Variants in RIC1 observed in about 807,000 individuals in gnomAD.
RIC1 encodes RIC1 partner of RAB6A GEF complex.
A neutral mutation model predicts 169.0 loss-of-function variants in RIC1; 88 were observed. The ratio of observed to expected loss-of-function variants is 0.52; its 90% CI spans 0.44 to 0.62. The LOEUF (loss-of-function observed/expected upper bound fraction) is 0.62, where lower values mean the gene tolerates loss of function less well. RIC1 is among the 20% of genes least tolerant of loss of function. The pLI is 0.00. For synonymous variants in RIC1, 790 were observed against 601.5 expected (o/e 1.31, Z -4.59); for missense variants, 1,877 against 1,725.5 (o/e 1.09, Z -1.56).
chr9:5,725,259 T>A (rs1456859503), intron 6 of RIC1, among the ~76,000 whole-genome samples: 1 of 152,212 alleles, frequency 6.6e-6, no homozygotes, highest in Admixed American at 6.5e-5. Flanking sequence ...TATTCAGGGA[T>A]TCAGCTTCTT....
chr9:5,738,575 T>C, intron 8 of RIC1, 37 bp downstream of exon 8: 2 of 1,262,602 alleles, frequency 1.6e-6, no homozygotes, highest in East Asian at 4.8e-5. Flanking sequence ...TTAACATTTT[T>C]AATGTACTGG....
intron 4 of RIC1, among the ~76,000 whole-genome samples, chr9:5,715,353 A>G (rs1296513057): frequency 3.3e-5 from 5 of 152,196 alleles, no homozygotes. Context: ...CCAAAAAGAA[A>G]AAAAAACAAT....
intron 2 of RIC1, among the ~76,000 whole-genome samples, chr9:5,671,735 C>G (rs1820120229): frequency 1.3e-5 from 2 of 152,210 alleles, no homozygotes; most frequent in Admixed American, 6.5e-5. Context: ...AACTCCTCTC[C>G]TCTTCTCAGG....
At chr9:5,671,406 G>A (rs1450143877) in intron 2 of RIC1, among the ~76,000 whole-genome samples, 1 of 151,920 alleles carries the variant, frequency 6.6e-6, no homozygotes, top group African/African-American at 2.4e-5. Flanking sequence ...CTCCCAAGTA[G>A]TTGGGATTAC....
intron 14 of RIC1, among the ~76,000 whole-genome samples, 164 bp from the exon 15 acceptor site, chr9:5,754,677 G>A (rs1437195381): frequency 2.0e-5 from 3 of 152,200 alleles, no homozygotes; most frequent in Non-Finnish European, 2.9e-5. Flanking sequence ...GTTGCAGGGA[G>A]CTGAGATCGA....
In RIC1 at chr9:5,705,338, T is replaced by C. The variant is rs554278909; in HGVS notation, c.333-8558T>C. 1.2e-4 allele frequency among the ~76,000 whole-genome samples: 19 copies of C among 152,242 alleles called. No individual in the cohort carries two copies. In the East Asian group the frequency reaches 3.5e-3, roughly 28 times the overall value. On this transcript the variant is annotated intron_variant, in intron 3 of 25. Transcript: ENST00000414202. The stretch of plus-strand genomic sequence containing the variant: ...ACCTTTCCAATTTCTTAGTTCTCCC[T>C]TAATTTATTTACGCATACAACTCTT...
chr9:5,629,467 C>G lies in RIC1; in HGVS notation c.144+14C>G. 1 of 1,526,130 alleles carries G rather than the reference C, an allele frequency of 6.6e-7. No homozygotes were observed. Among genetic ancestry groups the G allele is most frequent in the Non-Finnish European group, 8.8e-7 (1 of 1,142,402 alleles). 94.5% of individuals were successfully genotyped at this position (1,526,130 alleles called of 1,614,324 possible). ...TGGTACAGCCGAGTAAGTAGAGCCG[C>G]CCGCCGCCTTTCGCCGCTGCCTCCC... On this transcript the variant is annotated intron_variant, in intron 1 of 25. Coordinates refer to ENST00000414202, the MANE Select transcript of RIC1 (RefSeq NM_020829.4).
At chr9:5,745,205 TCATAGGAAAA>T (rs1229430302) in intron 10 of RIC1, among the ~76,000 whole-genome samples, 3 of 152,156 alleles carry the variant, frequency 2.0e-5, no homozygotes, top group Non-Finnish European at 2.9e-5. Context: ...GGCAGCTTTA[TCATAGGAAAA>T]CATAAAAGTT....
Position 5,718,134 on chromosome 9 carries a change from C to T in RIC1, c.441-2048C>T, listed in dbSNP as rs180718946. Among the ~76,000 whole-genome samples the T allele has an allele frequency of 2.6e-3, 137 of 53,606 alleles. 2 individuals are homozygous for T. The East Asian group carries it at 0.096, about 38-fold the overall frequency. 35.2% of individuals were successfully genotyped at this position (53,606 alleles called of 152,430 possible). ...CAGCTTGGGCAACAGAGCAAGACTC[C>T]GTCTCAAAAAAAAAAAAAAAAAAAA... On this transcript the variant is annotated intron_variant, in intron 4 of 25. Coordinates refer to ENST00000414202, the MANE Select transcript of RIC1 (RefSeq NM_020829.4).
chr9:5,699,045 A>G (rs1355027376), intron 3 of RIC1, among the ~76,000 whole-genome samples: 1 of 152,242 alleles, frequency 6.6e-6, no homozygotes, highest in Non-Finnish European at 1.5e-5. Context: ...TGGGGAACTT[A>G]GGCAGAGTAT....
chr9:5,743,623 C>G, intron 9 of RIC1, 66 bp from the exon 10 acceptor site: 1 of 1,275,668 alleles, frequency 7.8e-7, no homozygotes, highest in Non-Finnish European at 1.1e-6. Context: ...TTAAAAAACA[C>G]TAAATTTTAT....
chr9:5,725,538 T>G (rs1005607214), intron 6 of RIC1, among the ~76,000 whole-genome samples: 5 of 152,180 alleles, frequency 3.3e-5, no homozygotes, highest in Non-Finnish European at 7.4e-5. Flanking sequence ...TTTTGATGGT[T>G]TTTTTATGTC....
chr9:5,661,953 T>C (rs1193859190), intron 2 of RIC1, among the ~76,000 whole-genome samples: 1 of 152,250 alleles, frequency 6.6e-6, no homozygotes, highest in Non-Finnish European at 1.5e-5. Flanking sequence ...TTCATTATGA[T>C]ATTGGCTGTG....
At chr9:5,669,297 C>T (rs750873946) in intron 2 of RIC1, among the ~76,000 whole-genome samples, 4 of 152,162 alleles carry the variant, frequency 2.6e-5, no homozygotes, top group Non-Finnish European at 4.4e-5. Flanking sequence ...CCACCCTTTT[C>T]CCTGAGTCCC....
In RIC1 at chr9:5,666,422, A is replaced by G. The variant is rs563620636; in HGVS notation, c.252+9732A>G. ...TGCTCTTGGTGGAACTTTCAATACT[A>G]TGTTGAATTAAGTGGTAAAAGTGGG... On this transcript the variant is annotated intron_variant, in intron 2 of 25. Coordinates refer to ENST00000414202, the MANE Select transcript of RIC1 (RefSeq NM_020829.4). Among the ~76,000 whole-genome samples the G allele has an allele frequency of 1.8e-4, 28 of 152,084 alleles. No individual in the cohort carries two copies. In the South Asian group the frequency reaches 3.5e-3, roughly 19 times the overall value.
At chr9:5,679,823 G>A (rs1394893504) in intron 2 of RIC1, among the ~76,000 whole-genome samples, 7 of 152,144 alleles carry the variant, frequency 4.6e-5, no homozygotes, top group South Asian at 2.1e-4. Context: ...CTAATTGAAT[G>A]CCCTTTATTT....
intron 23 of RIC1, among the ~76,000 whole-genome samples, chr9:5,771,648 G>T (rs1181318786): frequency 6.6e-6 from 1 of 152,180 alleles, no homozygotes; most frequent in South Asian, 2.1e-4. Flanking sequence ...GTGGACAAGG[G>T]TTCTATTTTC....
At chr9:5,675,406 C>T (rs1820381337) in intron 2 of RIC1, among the ~76,000 whole-genome samples, 1 of 152,136 alleles carries the variant, frequency 6.6e-6, no homozygotes, top group Admixed American at 6.5e-5. Flanking sequence ...AACTTACTGA[C>T]ATATCGATTC....
At chr9:5,667,424 G>A (rs908850680) in intron 2 of RIC1, among the ~76,000 whole-genome samples, 4 of 150,750 alleles carry the variant, frequency 2.7e-5, no homozygotes, top group African/African-American at 9.7e-5. Context: ...TGCTAGCTTC[G>A]GGATTACTTT....
Sources: allele counts gnomAD v4.1 joint callset (sites outside exome capture counted in the v4.1 genomes callset), GRCh38; gene constraint gnomAD v4.1.1; transcripts MANE v1.5; gene names NCBI Gene and HGNC (gene_info 2026-07-23, HGNC 2026-07-21).